MAGI2: variants seen among roughly 807,000 people sequenced by gnomAD.
The protein encoded by MAGI2 is membrane-associated guanylate kinase, WW and PDZ domain-containing protein 2.
In MAGI2, 35 loss-of-function variants were observed where a neutral mutation model predicts 133.3. The ratio of observed to expected loss-of-function variants is 0.26; its 90% CI spans 0.20 to 0.35. The LOEUF is 0.35. MAGI2 is among the 10% of genes least tolerant of loss of function. The pLI, the probability that MAGI2 is intolerant of heterozygous loss-of-function variation, is 1.00. For synonymous variants in MAGI2, 729 were observed against 710.6 expected (o/e 1.03, Z -0.41); for missense variants, 1,636 against 1,863.4 (o/e 0.88, Z 2.25).
rs760423558 is a variant in MAGI2 at position 78,194,931 on chromosome 7, G to A, written c.2212C>T (p.Arg738Trp). 4.3e-6 allele frequency: 7 copies of A among 1,613,792 alleles called. No individual in the cohort carries two copies. The highest frequency in any genetic ancestry group is 1.1e-5 in the South Asian group (1 of 91,042). Residue 738 changes from arginine to tryptophan, a missense_variant, in exon 12 of 22, where the codon CGG becomes TGG. Coordinates refer to ENST00000354212, the MANE Select transcript of MAGI2 (RefSeq NM_012301.4). ...FPDSTEAFDP[R>W]KPDPYELYEK... is the part of the protein sequence containing the mutation. Reference sequence around the variant, plus strand: ...TAGAGCTCATATGGATCAGGCTTCCGTGGGTCAAAGGCCTCTGTTGAGTCA... The same window carrying A: ...TAGAGCTCATATGGATCAGGCTTCCATGGGTCAAAGGCCTCTGTTGAGTCA...
At chr7:79,220,477 C>G (rs1047478949) in intron 1 of MAGI2, among the ~76,000 whole-genome samples, 3 of 151,932 alleles carry the variant, frequency 2.0e-5, no homozygotes, top group Non-Finnish European at 4.4e-5. Context: ...ATACACTGAC[C>G]TCTCCTGTCC....
At chr7:78,478,641 T>C (rs2150448776) in intron 6 of MAGI2, among the ~76,000 whole-genome samples, 1 of 152,042 alleles carries the variant, frequency 6.6e-6, no homozygotes, top group Middle Eastern at 3.4e-3. Context: ...TAGACCCAAT[T>C]TTCCCATTTC....
chr7:78,487,209 A>C (rs1793124451), intron 6 of MAGI2: 1 of 249,832 alleles, frequency 4.0e-6, no homozygotes, highest in African/African-American at 2.2e-5. Context: ...ACCAAATAGC[A>C]TTGCTACGGA....
intron 6 of MAGI2, among the ~76,000 whole-genome samples, chr7:78,473,199 T>C (rs1791405817): frequency 6.6e-6 from 1 of 152,138 alleles, no homozygotes; most frequent in South Asian, 2.1e-4. Context: ...TCAAAGTGTT[T>C]CTGGATTGCT....
At chr7:78,697,033 A>G (rs1216197892) in intron 2 of MAGI2, among the ~76,000 whole-genome samples, 2 of 152,212 alleles carry the variant, frequency 1.3e-5, no homozygotes, top group African/African-American at 4.8e-5. Flanking sequence ...TGCTATGTGG[A>G]TCATGTATTT....
intron 2 of MAGI2, among the ~76,000 whole-genome samples, chr7:78,722,748 A>C (rs1247105718): frequency 6.6e-6 from 1 of 152,102 alleles, no homozygotes. Flanking sequence ...GATATTAAGG[A>C]CAATTAAATA....
At chr7:78,031,527 G>A (rs1169990563) in intron 21 of MAGI2, among the ~76,000 whole-genome samples, 2 of 152,162 alleles carry the variant, frequency 1.3e-5, no homozygotes, top group Non-Finnish European at 2.9e-5. Flanking sequence ...CTCAAGATGA[G>A]CCTTAGCCCA....
intron 9 of MAGI2, among the ~76,000 whole-genome samples, chr7:78,259,760 G>T (rs967709724): frequency 2.0e-5 from 3 of 152,132 alleles, no homozygotes; most frequent in East Asian, 1.9e-4. Context: ...CCTTCCCTCT[G>T]CTCTGCCAGA....
At chr7:79,407,812 A>G (rs2190176) in intron 1 of MAGI2, among the ~76,000 whole-genome samples, 36,312 of 151,912 alleles carry the variant, frequency 0.24, 5,516 homozygotes, top group African/African-American at 0.41. Flanking sequence ...GAAAAAAAAA[A>G]CATTTGACAC....
intron 16 of MAGI2, among the ~76,000 whole-genome samples, chr7:78,138,187 G>A (rs977040215): frequency 4.6e-5 from 7 of 152,114 alleles, no homozygotes; most frequent in African/African-American, 1.7e-4. Flanking sequence ...TACTTGCTTT[G>A]TGAGTATCTG....
intron 16 of MAGI2, among the ~76,000 whole-genome samples, chr7:78,147,714 A>T (rs1391531464): frequency 6.6e-6 from 1 of 152,120 alleles, no homozygotes; most frequent in African/African-American, 2.4e-5. Context: ...CAATATCATT[A>T]GTCTTTAGAG....
intron 21 of MAGI2, among the ~76,000 whole-genome samples, chr7:78,057,643 T>C (rs1326114940): frequency 6.6e-6 from 1 of 152,196 alleles, no homozygotes; most frequent in Admixed American, 6.5e-5. Context: ...TGTGTATTTA[T>C]GTCTTTCACA....
chr7:79,034,872 C>T (rs1465446598), intron 1 of MAGI2, among the ~76,000 whole-genome samples: 1 of 152,196 alleles, frequency 6.6e-6, no homozygotes, highest in Non-Finnish European at 1.5e-5. Flanking sequence ...CCGGATTTAA[C>T]TGCTCTCTAA....
rs1005115666 is a variant in MAGI2, at chr7:78,889,777, C to T, written c.418+117313G>A. On this transcript the variant is annotated intron_variant, in intron 2 of 21. Coordinates refer to ENST00000354212, the MANE Select transcript of MAGI2 (RefSeq NM_012301.4). Reference sequence around the variant, plus strand: ...TGATACCAGCCACTGCAAAAACATGCCAAATTGTGAAGACCATTGAGGCTA... The same window carrying T: ...TGATACCAGCCACTGCAAAAACATGTCAAATTGTGAAGACCATTGAGGCTA... Among the ~76,000 whole-genome samples, 7 of 152,198 alleles carry T rather than the reference C, an allele frequency of 4.6e-5. No individual in the cohort carries two copies. The East Asian group carries it at 7.7e-4, about 17-fold the overall frequency.
At chr7:78,215,617 A>G (rs542076498) in intron 10 of MAGI2, among the ~76,000 whole-genome samples, 20 of 152,258 alleles carry the variant, frequency 1.3e-4, no homozygotes, top group African/African-American at 2.2e-4. Context: ...TCTTTTGCCA[A>G]CTCTGATCAA....
intron 7 of MAGI2, among the ~76,000 whole-genome samples, chr7:78,367,100 A>AACACACACAC (rs6150177): frequency 0.041 from 5,998 of 146,770 alleles, 121 homozygotes; most frequent in African/African-American, 0.054. Flanking sequence ...AATGTAGGCA[A>AACACACACAC]ACACACACAC....
At chr7:79,241,147 T>C (rs1369664755) in intron 1 of MAGI2, among the ~76,000 whole-genome samples, 1 of 152,168 alleles carries the variant, frequency 6.6e-6, no homozygotes, top group Non-Finnish European at 1.5e-5. Flanking sequence ...CCCAAATTCA[T>C]TGTTACGTGA....
rs117783728 is a variant in MAGI2, at chr7:79,385,607, A to G, written c.301+67413T>C. Among the ~76,000 whole-genome samples the G allele has an allele frequency of 8.9e-4, 135 of 151,926 alleles. 4 individuals carry two copies. In the East Asian group the frequency reaches 0.025, roughly 28 times the overall value. On this transcript the variant is annotated intron_variant, in intron 1 of 21. Transcript: ENST00000354212. Reference sequence around the variant, plus strand: ...TACTTTTATAAAAAAAATTCCACATATAAGTGAGATCATGCCGTATTTTTC... The same window carrying G: ...TACTTTTATAAAAAAAATTCCACATGTAAGTGAGATCATGCCGTATTTTTC...
chr7:78,031,334 A>G (rs1403165898), intron 21 of MAGI2, among the ~76,000 whole-genome samples: 1 of 152,350 alleles, frequency 6.6e-6, no homozygotes, highest in East Asian at 1.9e-4. Flanking sequence ...TACACTAAAA[A>G]GGGTAAATTT....
Sources: gnomAD v4.1 joint callset for allele counts (sites outside exome capture counted in the v4.1 genomes callset) on GRCh38, gnomAD v4.1.1 for gene constraint, MANE v1.5 for transcripts, NCBI Gene and HGNC (gene_info 2026-07-23, HGNC 2026-07-21) for gene names.